CDH12: variants seen among roughly 807,000 people sequenced by gnomAD.
CDH12 encodes cadherin-12.
In CDH12, 41 loss-of-function variants were observed where a neutral mutation model predicts 74.1. The observed-to-expected ratio is 0.55, with a 90% CI of 0.43 to 0.72. The LOEUF is 0.72. CDH12 is among the 30% of genes least tolerant of loss of function. The pLI is 0.00. For synonymous variants in CDH12, 399 were observed against 355.0 expected, an observed-to-expected ratio of 1.12 and a Z score of -1.39; for missense variants, 945 against 977.2, an observed-to-expected ratio of 0.97 and a Z score of 0.44.
intron 3 of CDH12, among the ~76,000 whole-genome samples, chr5:22,248,078 C>T (rs1296428591): frequency 6.6e-6 from 1 of 152,134 alleles, no homozygotes; most frequent in African/African-American, 2.4e-5. Context: ...TTGTGGATCA[C>T]CTGAGGTTAG....
intron 6 of CDH12, among the ~76,000 whole-genome samples, chr5:21,898,562 C>T (rs1027115250): frequency 2.0e-5 from 3 of 151,768 alleles, no homozygotes; most frequent in South Asian, 4.1e-4. Flanking sequence ...ATTAGCTGGG[C>T]GTGGTGGCGG....
At chr5:22,491,246 T>C (rs912824240) in intron 2 of CDH12, among the ~76,000 whole-genome samples, 2 of 152,128 alleles carry the variant, frequency 1.3e-5, no homozygotes, top group East Asian at 3.9e-4. Flanking sequence ...CAACATGTGG[T>C]ATGTGGTTTT....
intron 4 of CDH12, among the ~76,000 whole-genome samples, chr5:22,110,201 T>A (rs932487590): frequency 1.3e-5 from 2 of 152,298 alleles, no homozygotes; most frequent in East Asian, 3.9e-4. Flanking sequence ...AGCATAAACA[T>A]CTTGCACCTG....
chr5:21,791,827 T>C (rs1204992579), intron 10 of CDH12, among the ~76,000 whole-genome samples: 1 of 151,892 alleles, frequency 6.6e-6, no homozygotes. Context: ...TTATTCTATT[T>C]ATTAGGTAAG....
At chr5:22,514,067 G>T (rs1272435080) in intron 1 of CDH12, among the ~76,000 whole-genome samples, 1 of 151,152 alleles carries the variant, frequency 6.6e-6, no homozygotes, top group African/African-American at 2.4e-5. Flanking sequence ...TAAAATGATA[G>T]CAATATTATT....
At chr5:22,388,171 C>T (rs1703317) in intron 3 of CDH12, among the ~76,000 whole-genome samples, 111,183 of 151,936 alleles carry the variant, frequency 0.73, 41,831 homozygotes, top group Non-Finnish European at 0.82. Flanking sequence ...TTTTGTGAGT[C>T]CTTTGGATTG....
At chr5:22,140,629 T>C (rs1156359424) in intron 4 of CDH12, among the ~76,000 whole-genome samples, 1 of 152,156 alleles carries the variant, frequency 6.6e-6, no homozygotes, top group African/African-American at 2.4e-5. Context: ...ATTGTTTTTA[T>C]TAAAATTGAA....
chr5:22,667,964 A>G (rs1322656254), intron 1 of CDH12, among the ~76,000 whole-genome samples: 3 of 152,208 alleles, frequency 2.0e-5, no homozygotes, highest in African/African-American at 7.2e-5. Flanking sequence ...AAGGAGGGAA[A>G]AAACATTTAG....
intron 1 of CDH12, among the ~76,000 whole-genome samples, chr5:22,550,247 G>GA (rs34823731): frequency 0.16 from 24,676 of 151,972 alleles, 2,579 homozygotes; most frequent in East Asian, 0.36. Context: ...TTCAAATCCA[G>GA]AAAATTCTAT....
chr5:22,468,501 G>T (rs1370507781), intron 2 of CDH12, among the ~76,000 whole-genome samples: 1 of 152,084 alleles, frequency 6.6e-6, no homozygotes, highest in Non-Finnish European at 1.5e-5. Context: ...AGCTCAGTAA[G>T]AATTCTCAAT....
chr5:22,006,879 G>A (rs1376274187), intron 5 of CDH12, among the ~76,000 whole-genome samples: 1 of 151,882 alleles, frequency 6.6e-6, no homozygotes, highest in African/African-American at 2.4e-5. Context: ...ATTAAAATTA[G>A]TATTATGTTT....
At chr5:21,967,849 C>T (rs1417573758) in intron 6 of CDH12, among the ~76,000 whole-genome samples, 2 of 152,154 alleles carry the variant, frequency 1.3e-5, no homozygotes, top group African/African-American at 4.8e-5. Flanking sequence ...GCAGTGGACA[C>T]TTCACGGCTG....
At chr5:22,692,477 G>A (rs1238562690) in intron 1 of CDH12, among the ~76,000 whole-genome samples, 2 of 151,832 alleles carry the variant, frequency 1.3e-5, no homozygotes, top group Non-Finnish European at 2.9e-5. Context: ...TTACCACCAT[G>A]GTGAGCGGGA....
At chr5:21,889,843 T>G (rs1752817068) in intron 6 of CDH12, 1 of 985,350 alleles carries the variant, frequency 1.0e-6, no homozygotes. Context: ...CCTAAAACCC[T>G]CTTTGTGTTA....
chr5:21,763,796 A>G (rs935649658), intron 12 of CDH12, among the ~76,000 whole-genome samples: 1 of 152,140 alleles, frequency 6.6e-6, no homozygotes, highest in Non-Finnish European at 1.5e-5. Flanking sequence ...ACCTTTCACA[A>G]TCAGTTTCAT....
chr5:21,937,040 A>G (rs971554581), intron 6 of CDH12, among the ~76,000 whole-genome samples: 1 of 152,240 alleles, frequency 6.6e-6, no homozygotes, highest in African/African-American at 2.4e-5. Context: ...ATAAACTTCA[A>G]TAGAATACTT....
chr5:22,752,498 T>C (rs1745628945), intron 1 of CDH12, among the ~76,000 whole-genome samples: 1 of 149,064 alleles, frequency 6.7e-6, no homozygotes, highest in Non-Finnish European at 1.5e-5. Context: ...CTGCTCTTTG[T>C]GTTAGGTTCT....
chr5:22,339,324 A>T (rs527954312), intron 3 of CDH12, among the ~76,000 whole-genome samples: 140 of 152,280 alleles, frequency 9.2e-4, no homozygotes, highest in African/African-American at 3.2e-3. Context: ...TTTAAGTGTT[A>T]CTTAAATTCT....
At chr5:22,769,750 AGTGGG>A (rs897366057) in intron 1 of CDH12, among the ~76,000 whole-genome samples, 7 of 151,908 alleles carry the variant, frequency 4.6e-5, no homozygotes, top group African/African-American at 1.4e-4. Context: ...ATAATGGGGG[AGTGGG>A]GTGGGTAACC....
Sources: allele counts gnomAD v4.1 joint callset (sites outside exome capture counted in the v4.1 genomes callset), GRCh38; gene constraint gnomAD v4.1.1; transcripts MANE v1.5; gene names NCBI Gene and HGNC (gene_info 2026-07-23, HGNC 2026-07-21).